The following DYDC2 variants were observed in gnomAD, a reference collection of about 807,000 sequenced individuals.
The protein encoded by DYDC2 is DPY30 domain containing 2, also known as DPY30 domain-containing protein 2.
Under a neutral mutation model 18.7 loss-of-function variants are expected in DYDC2, and 19 were observed. That is an observed-to-expected ratio of 1.02 (90% confidence interval 0.71 to 1.49). DYDC2 has a LOEUF of 1.49. Among genes scored for constraint, DYDC2 ranks in the 40% most tolerant of loss-of-function variants. DYDC2 has a pLI of 0.00. For missense variants in DYDC2, 179 were observed against 205.1 expected (o/e 0.87, Z 0.78); for synonymous variants, 63 against 67.6 (o/e 0.93, Z 0.34).
intron 4 of DYDC2, 142 bp from the exon 5 acceptor site, chr10:80,366,546 G>A (rs983585111): frequency 1.6e-5 from 16 of 996,422 alleles, no homozygotes; most frequent in Non-Finnish European, 2.2e-5. Flanking sequence ...TATAGGTTTG[G>A]TTTTATGCTT....
At chr10:80,351,996 T>C (rs747854452), upstream of DYDC2, 5 of 1,614,052 alleles carry the variant, frequency 3.1e-6, no homozygotes, top group East Asian at 1.1e-4. Context: ...GCCATTTCCT[T>C]TTGTCTCTAG....
chr10:80,362,782 G>T (rs899457424), intron 3 of DYDC2, among the ~76,000 whole-genome samples, 169 bp from the exon 4 acceptor site: 2 of 152,084 alleles, frequency 1.3e-5, no homozygotes, highest in African/African-American at 4.8e-5. Context: ...CAACTCAGAC[G>T]AGCTGTGGAG....
chr10:80,361,835 A>T (rs1843670653), intron 2 of DYDC2, among the ~76,000 whole-genome samples: 1 of 152,156 alleles, frequency 6.6e-6, no homozygotes, highest in African/African-American at 2.4e-5. Context: ...TGGCACAACA[A>T]AATGTTCCAG....
chr10:80,356,180 A>T (rs370786566), upstream of DYDC2: 86 of 921,310 alleles, frequency 9.3e-5, no homozygotes, highest in African/African-American at 1.5e-3. Flanking sequence ...CAACTCCCTT[A>T]GCATGTTCCT....
At chr10:80,349,087 T>G (rs1842836263) in intron 1 of DYDC2, among the ~76,000 whole-genome samples, 1 of 152,088 alleles carries the variant, frequency 6.6e-6, no homozygotes, top group Non-Finnish European at 1.5e-5. Context: ...GAGACGGGGT[T>G]TCACCGCGTT....
chr10:80,366,674 T>G lies in DYDC2; in HGVS notation c.271-14T>G, dbSNP rs756245001. On this transcript the variant is annotated splice_polypyrimidine_tract_variant and intron_variant, in intron 4 of 4. Transcript: ENST00000256039. Reference sequence around the variant, plus strand: ...TCTAATAATAAGTTTTCGGCTTTTTTGTTTTCTATTTAGGAACTGACTTCT... The same window carrying G: ...TCTAATAATAAGTTTTCGGCTTTTTGGTTTTCTATTTAGGAACTGACTTCT... 7.0e-6 allele frequency: 11 copies of G among 1,579,318 alleles called. No homozygotes were observed. The highest frequency in any genetic ancestry group is 9.4e-6 in the Non-Finnish European group (11 of 1,164,300).
intron 1 of DYDC2, 77 bp from the exon 2 acceptor site, chr10:80,357,816 G>C (rs1843480853): frequency 2.0e-6 from 2 of 985,342 alleles, no homozygotes; most frequent in Non-Finnish European, 2.4e-6. Context: ...TGCCAGATTG[G>C]GCGTGGAAAA....
At chr10:80,353,315 C>T (rs1843116159), upstream of DYDC2, among the ~76,000 whole-genome samples, 1 of 151,832 alleles carries the variant, frequency 6.6e-6, no homozygotes, top group Non-Finnish European at 1.5e-5. Context: ...ATTCCATGGA[C>T]ATGTCTGGCT....
chr10:80,347,301 T>TGAG (rs1842721393), intron 1 of DYDC2, among the ~76,000 whole-genome samples: 1 of 125,822 alleles, frequency 7.9e-6, no homozygotes, highest in African/African-American at 3.3e-5. Context: ...TTTTTTTTTT[T>TGAG]TTTTGCTATT....
At chr10:80,358,083 A>T in intron 2 of DYDC2, 38 bp downstream of exon 2, 1 of 985,498 alleles carries the variant, frequency 1.0e-6, no homozygotes, top group Non-Finnish European at 1.2e-6. Context: ...GGGCTTTAAA[A>T]GGCATCCCCT....
intron 2 of DYDC2, among the ~76,000 whole-genome samples, chr10:80,359,529 C>T (rs1043290986): frequency 2.0e-5 from 3 of 152,134 alleles, no homozygotes; most frequent in African/African-American, 2.4e-5. Flanking sequence ...TCGATGGGAC[C>T]GGGCACCGCG....
chr10:80,362,659 G>A, intron 3 of DYDC2, 69 bp downstream of exon 3: 1 of 1,533,072 alleles, frequency 6.5e-7, no homozygotes, highest in Non-Finnish European at 8.8e-7. Context: ...CAAGACACAA[G>A]GCAGGATTCT....
At chr10:80,346,355 A>G (rs1160886233) in intron 1 of DYDC2, among the ~76,000 whole-genome samples, 1 of 151,366 alleles carries the variant, frequency 6.6e-6, no homozygotes, top group Non-Finnish European at 1.5e-5. Context: ...ACCATTTTGC[A>G]TAATGGCTGC....
chr10:80,356,781 A>C lies in DYDC2; in HGVS notation c.-207A>C. On this transcript the variant is annotated 5_prime_UTR_variant, in exon 1 of 5. Transcript: ENST00000256039. The stretch of plus-strand genomic sequence containing the variant: ...GCCAGGCAACGAGAGCTCGCGCCTC[A>C]GGAGCCAGTGTAGGCGCCGCAAAGC... 3 of 985,594 alleles carry C rather than the reference A, an allele frequency of 3.0e-6. No individual in the cohort carries two copies. Among genetic ancestry groups the C allele is most frequent in the Non-Finnish European group, 3.6e-6 (3 of 830,052 alleles). 61.1% of individuals were successfully genotyped at this position (985,594 alleles called of 1,614,324 possible). A position where few individuals can be genotyped will look rare whatever the true frequency, so the allele number is the denominator to read the frequency against.
At chr10:80,345,501 T>C (rs1842560309) in intron 1 of DYDC2, among the ~76,000 whole-genome samples, 1 of 152,228 alleles carries the variant, frequency 6.6e-6, no homozygotes, top group African/African-American at 2.4e-5. Flanking sequence ...ATCCTCATGC[T>C]GTACTTTAGA....
chr10:80,352,786 G>A (rs1843082232), upstream of DYDC2: 10 of 723,984 alleles, frequency 1.4e-5, no homozygotes, highest in East Asian at 3.4e-4. Context: ...GTTTCCAAAA[G>A]GGCTCCAAGG....
At chr10:80,351,874 C>A, upstream of DYDC2, 1 of 1,603,210 alleles carries the variant, frequency 6.2e-7, no homozygotes, top group Non-Finnish European at 8.5e-7. Context: ...AATTCCAGTC[C>A]CCTCTGAACT....
At chr10:80,357,570 T>C (rs1843461899) in intron 1 of DYDC2, among the ~76,000 whole-genome samples, 1 of 152,104 alleles carries the variant, frequency 6.6e-6, no homozygotes, top group African/African-American at 2.4e-5. Flanking sequence ...AGCTTGGCAG[T>C]TTCACAACTC....
At chr10:80,358,857 G>T (rs61859199) in intron 2 of DYDC2, among the ~76,000 whole-genome samples, 15,514 of 152,168 alleles carry the variant, frequency 0.1, 1,028 homozygotes, top group South Asian at 0.27. Flanking sequence ...TCCAGAGTTC[G>T]TTCCTTTTGA....
Sources: allele counts gnomAD v4.1 joint callset (sites outside exome capture counted in the v4.1 genomes callset), GRCh38; gene constraint gnomAD v4.1.1; transcripts MANE v1.5; gene names NCBI Gene and HGNC (gene_info 2026-07-23, HGNC 2026-07-21).